Variants in TULP4 observed in about 807,000 individuals in gnomAD.
TULP4 encodes TUB like protein 4.
A neutral mutation model predicts 129.0 loss-of-function variants in TULP4; 16 were observed. The observed-to-expected ratio is 0.12, with a 90% CI of 0.08 to 0.19. The LOEUF is 0.19. Ranked by LOEUF, TULP4 falls within the 10% of genes least tolerant of loss-of-function variation. The probability of loss-of-function intolerance (pLI) is 1.00; values close to 1 mark genes in which losing one functional copy is unlikely to be tolerated. For missense variants in TULP4, 1,842 were observed against 2,059.1 expected, an observed-to-expected ratio of 0.89 and a Z score of 2.04; for synonymous variants, 998 against 854.0, an observed-to-expected ratio of 1.17 and a Z score of -2.94.
intron 1 of TULP4, among the ~76,000 whole-genome samples, chr6:158,396,577 T>C (rs751901117): frequency 6.6e-6 from 1 of 152,174 alleles, no homozygotes; most frequent in Non-Finnish European, 1.5e-5. Flanking sequence ...CAGAATTTAA[T>C]GTAGCATTCT....
intron 1 of TULP4, among the ~76,000 whole-genome samples, chr6:158,339,925 G>A (rs537948574): frequency 1.3e-5 from 2 of 152,316 alleles, no homozygotes; most frequent in East Asian, 3.9e-4. Context: ...AATATTGATT[G>A]GAGAAGTGAT....
At chr6:158,331,756 C>CGTATATATATATATAT (rs1562523303) in intron 1 of TULP4, among the ~76,000 whole-genome samples, 1 of 12,954 alleles carries the variant, frequency 7.7e-5, no homozygotes, top group South Asian at 4.2e-3. Flanking sequence ...TGTATATACA[C>CGTATATATATATATAT]GTGTATATAT....
intron 1 of TULP4, among the ~76,000 whole-genome samples, chr6:158,323,349 T>C (rs1439183379): frequency 6.6e-6 from 1 of 152,216 alleles, no homozygotes; most frequent in East Asian, 1.9e-4. Flanking sequence ...TGCTCAGATA[T>C]GACTGTTTCT....
At chr6:158,361,145 G>T (rs1780778814) in intron 1 of TULP4, among the ~76,000 whole-genome samples, 1 of 152,172 alleles carries the variant, frequency 6.6e-6, no homozygotes, top group African/African-American at 2.4e-5. Flanking sequence ...AATTGCTTCT[G>T]TGGTGATACA....
chr6:158,327,190 T>C (rs570720058), intron 1 of TULP4, among the ~76,000 whole-genome samples: 69 of 152,348 alleles, frequency 4.5e-4, no homozygotes, highest in Non-Finnish European at 8.7e-4. Context: ...TTTTTAAAAT[T>C]GACTATTATT....
At chr6:158,443,990 T>A (rs13203482) in intron 3 of TULP4, among the ~76,000 whole-genome samples, 10 of 151,628 alleles carry the variant, frequency 6.6e-5, no homozygotes, top group African/African-American at 1.9e-4. Context: ...GGGGCCAGGG[T>A]GGGCGGATCA....
rs536215538 is a variant in TULP4, at chr6:158,349,551, A to C, written c.252+35283A>C. Among the ~76,000 whole-genome samples, 44 of 124,028 alleles carry C rather than the reference A, an allele frequency of 3.5e-4. No homozygotes were observed. The East Asian group carries it at 9.6e-3, about 27-fold the overall frequency. 81.4% of individuals were successfully genotyped at this position (124,028 alleles called of 152,430 possible). On this transcript the variant is annotated intron_variant, in intron 1 of 13. Transcript: ENST00000367097. ...CGGGCAGAGGCGCTCCTCACATCCCAGACGATGGGTGGCCGGGCAGAGGCG... is the reference window on the plus strand; with the variant it reads ...CGGGCAGAGGCGCTCCTCACATCCCCGACGATGGGTGGCCGGGCAGAGGCG...
chr6:158,501,532 T>C (rs1291667961), intron 12 of TULP4, 146 bp from the exon 13 acceptor site: 15 of 803,590 alleles, frequency 1.9e-5, no homozygotes, highest in Non-Finnish European at 2.9e-5. Flanking sequence ...GCAGGCCAGC[T>C]TTCCCCAAGC....
chr6:158,295,523 A>T (rs1312153853), intron 1 of TULP4, among the ~76,000 whole-genome samples: 2 of 152,188 alleles, frequency 1.3e-5, no homozygotes, highest in Admixed American at 1.3e-4. Context: ...ATACAGAAGC[A>T]TATGTTATAA....
At chr6:158,448,318 C>A (rs568996349) in intron 3 of TULP4, among the ~76,000 whole-genome samples, 7 of 152,304 alleles carry the variant, frequency 4.6e-5, no homozygotes, top group Middle Eastern at 3.4e-3. Flanking sequence ...AAAACTAGCG[C>A]CTAACTCATG....
chr6:158,502,971 C>T lies in TULP4; in HGVS notation c.3308C>T (p.Pro1103Leu), dbSNP rs1780499441. Reference protein sequence around the residue: ...ALSQHCQLEKPLRHPPLPEAA... With the variant: ...ALSQHCQLEKLLRHPPLPEAA... ...TCCCAGCACTGTCAGCTTGAGAAGC[C>T]CTTGAGGCACCCTCCCCTGCCTGAA... The change falls in exon 13 of 14, where the codon CCC becomes CTC. Residue 1103 changes from proline to leucine, a missense_variant. By Grantham distance (98) the Pro-to-Leu change is moderately conservative (BLOSUM62 -3). Around this residue, in one of 5 missense-constraint regions of TULP4, gnomAD observed 1,089 missense variants for 987.1 expected, o/e 1.10. Transcript: ENST00000367097. The T allele has an allele frequency of 6.2e-7, 1 of 1,613,896 alleles. No individual in the cohort carries two copies. Among genetic ancestry groups the T allele is most frequent in the Admixed American group, 1.7e-5 (1 of 60,006 alleles).
rs1304641313 is a variant in TULP4, at chr6:158,471,901, G to A, written c.1027-7850G>A. Among the ~76,000 whole-genome samples, 3 of 152,180 alleles carry A rather than the reference G, an allele frequency of 2.0e-5. No homozygotes were observed. The East Asian group carries it at 5.8e-4, about 29-fold the overall frequency. On this transcript the variant is annotated intron_variant, in intron 6 of 13. Transcript: ENST00000367097. ...GTGTCACATTTATAATCAATCTGAT[G>A]CTGGCTTTTTATAAGGCTTTTATGA...
intron 1 of TULP4, among the ~76,000 whole-genome samples, chr6:158,272,315 A>G (rs2128462347): frequency 1.3e-5 from 2 of 152,278 alleles, no homozygotes; most frequent in African/African-American, 2.4e-5. Context: ...TCCTGCCCCA[A>G]TGGCTATGAT....
chr6:158,309,268 A>C (rs1490177736), upstream of TULP4, among the ~76,000 whole-genome samples: 1 of 137,950 alleles, frequency 7.2e-6, no homozygotes, highest in South Asian at 2.7e-4. Context: ...GCGGCCGGGC[A>C]GAGGCACTCC....
intron 12 of TULP4, among the ~76,000 whole-genome samples, chr6:158,499,495 T>C (rs1780399618): frequency 6.6e-6 from 1 of 152,268 alleles, no homozygotes; most frequent in Non-Finnish European, 1.5e-5. Flanking sequence ...TTTTGATTAA[T>C]AGATTACAAT....
intron 1 of TULP4, among the ~76,000 whole-genome samples, chr6:158,243,847 GGTGTGTGTGTGTGTGTGTGTGT>G (rs57298904): frequency 6.3e-5 from 9 of 143,510 alleles, no homozygotes; most frequent in Admixed American, 4.9e-4. Flanking sequence ...AGCTGAAATA[GGTGTGTGTGTGTGTGTGTGTGT>G]GTGTGTGTGT....
chr6:158,334,296 GT>G lies in TULP4; in HGVS notation c.252+20029del, dbSNP rs1371394873. Among the ~76,000 whole-genome samples the G allele has an allele frequency of 2.6e-5, 4 of 152,314 alleles. No homozygotes were observed. The East Asian group carries it at 7.7e-4, about 29-fold the overall frequency. ...TGCTGGAGACAGGTCTGCAGCTGGG[GT>G]GGCTGCCATTTCAGACAGATAGTTC... On this transcript the variant is annotated intron_variant, in intron 1 of 13. Transcript: ENST00000367097.
At chr6:158,408,001 T>C (rs563521585) in intron 1 of TULP4, among the ~76,000 whole-genome samples, 6 of 152,362 alleles carry the variant, frequency 3.9e-5, no homozygotes, top group Non-Finnish European at 8.8e-5. Flanking sequence ...AAAGCTGTTA[T>C]CCAACCCCTT....
intron 10 of TULP4, among the ~76,000 whole-genome samples, 169 bp from the exon 11 acceptor site, chr6:158,494,584 G>A (rs1171119699): frequency 6.6e-6 from 1 of 152,148 alleles, no homozygotes; most frequent in East Asian, 1.9e-4. Context: ...GTGCCTGGCT[G>A]CCCTCGTTAG....
Sources: allele counts gnomAD v4.1 joint callset (sites outside exome capture counted in the v4.1 genomes callset), GRCh38; gene constraint gnomAD v4.1.1; regional missense constraint gnomAD v4.1.1; transcripts MANE v1.5; gene names NCBI Gene and HGNC (gene_info 2026-07-23, HGNC 2026-07-21).